The following CELF4 variants were observed in gnomAD, a reference collection of about 807,000 sequenced individuals.
CELF4 encodes the protein CUG-BP- and ETR-3-like factor 4.
Under a neutral mutation model 59.9 loss-of-function variants are expected in CELF4, and 18 were observed. That is an observed-to-expected ratio of 0.30 (90% CI 0.21 to 0.45). The LOEUF (loss-of-function observed/expected upper bound fraction) is 0.45, where lower values mean the gene tolerates loss of function less well. Among genes scored for constraint, CELF4 ranks in the 20% least tolerant of loss-of-function variants. The pLI, the probability that CELF4 is intolerant of heterozygous loss-of-function variation, is 1.00. For synonymous variants in CELF4, 261 were observed against 267.1 expected, an observed-to-expected ratio of 0.98 and a Z score of 0.22; for missense variants, 456 against 689.0, an observed-to-expected ratio of 0.66 and a Z score of 3.79.
chr18:37,274,602 AC>A, intron 5 of CELF4, 148 bp from the exon 6 acceptor site: 1 of 1,539,916 alleles, frequency 6.5e-7, no homozygotes, highest in Non-Finnish European at 8.7e-7. Context: ...TGAGGTGTGA[AC>A]CCCACCGCGG....
At chr18:37,477,808 C>T (rs1000679216) in intron 2 of CELF4, among the ~76,000 whole-genome samples, 14 of 152,360 alleles carry the variant, frequency 9.2e-5, no homozygotes, top group South Asian at 6.2e-4. Context: ...CACAACCAAA[C>T]TTCGCAGGGG....
intron 2 of CELF4, among the ~76,000 whole-genome samples, chr18:37,326,101 G>A (rs2097300701): frequency 6.6e-6 from 1 of 152,178 alleles, no homozygotes; most frequent in Non-Finnish European, 1.5e-5. Flanking sequence ...GAGCACATCT[G>A]TCCTGGGAGA....
intron 2 of CELF4, among the ~76,000 whole-genome samples, chr18:37,381,853 G>C (rs72885376): frequency 0.023 from 3,459 of 152,250 alleles, 63 homozygotes; most frequent in Non-Finnish European, 0.033. Context: ...GTCTCACCCT[G>C]AGTGCTTTAC....
In CELF4 at chr18:37,302,908, T is replaced by C. The variant is rs554458513; in HGVS notation, c.448+18895A>G. Among the ~76,000 whole-genome samples the C allele has an allele frequency of 3.3e-5, 5 of 151,904 alleles. No individual in the cohort carries two copies. In the South Asian group the frequency reaches 8.3e-4, roughly 25 times the overall value. ...GGAGCAGCCAGGAGCACAGGCTGTC[T>C]GAGGGACAGGGTGCACAGCTAGGCC... On this transcript the variant is annotated intron_variant, in intron 3 of 12. Coordinates refer to ENST00000420428, the MANE Select transcript of CELF4 (RefSeq NM_020180.4).
At chr18:37,419,548 A>G (rs1348438829) in intron 2 of CELF4, among the ~76,000 whole-genome samples, 1 of 152,048 alleles carries the variant, frequency 6.6e-6, no homozygotes, top group South Asian at 2.1e-4. Context: ...TGGAAGATGG[A>G]TGGGGAGAGG....
Position 37,453,222 on chromosome 18 carries a change from C to T in CELF4, c.369+32303G>A, listed in dbSNP as rs531889103. On this transcript the variant is annotated intron_variant, in intron 2 of 12. Transcript: ENST00000420428. Reference sequence around the variant, plus strand: ...ACCTCTTCCTGGCCTGCAAAGGCACCGCCCTCTTTTTACAAAACTGACCAC... The same window carrying T: ...ACCTCTTCCTGGCCTGCAAAGGCACTGCCCTCTTTTTACAAAACTGACCAC... Among the ~76,000 whole-genome samples the T allele has an allele frequency of 6.6e-5, 10 of 152,346 alleles. No individual in the cohort carries two copies. In the East Asian group the frequency reaches 1.5e-3, roughly 23 times the overall value.
chr18:37,406,373 TA>T (rs2099389380), intron 2 of CELF4, among the ~76,000 whole-genome samples: 1 of 152,064 alleles, frequency 6.6e-6, no homozygotes, highest in Non-Finnish European at 1.5e-5. Context: ...GATAGCTCAC[TA>T]AAAACATGCC....
chr18:37,430,627 A>G (rs573839616), intron 2 of CELF4, among the ~76,000 whole-genome samples: 14 of 152,348 alleles, frequency 9.2e-5, no homozygotes, highest in African/African-American at 3.4e-4. Context: ...TGCAAATGAC[A>G]GGCTGCAGAA....
At chr18:37,435,849 C>T (rs1272749425) in intron 2 of CELF4, among the ~76,000 whole-genome samples, 1 of 152,180 alleles carries the variant, frequency 6.6e-6, no homozygotes, top group African/African-American at 2.4e-5. Flanking sequence ...CAGAGCCTGG[C>T]AAGACCCCAG....
intron 3 of CELF4, among the ~76,000 whole-genome samples, chr18:37,303,130 A>T (rs927083421): frequency 2.0e-5 from 3 of 152,150 alleles, no homozygotes; most frequent in African/African-American, 7.2e-5. Context: ...CCTTTGGCTC[A>T]TTTGAACCCC....
At chr18:37,450,254 G>A (rs1352718787) in intron 2 of CELF4, among the ~76,000 whole-genome samples, 1 of 152,086 alleles carries the variant, frequency 6.6e-6, no homozygotes, top group African/African-American at 2.4e-5. Context: ...GCGTGTGAGT[G>A]TTGGGAGGAA....
At chr18:37,275,725 C>T (rs868703392) in intron 3 of CELF4, 1 of 168,462 alleles carries the variant, frequency 5.9e-6, no homozygotes, top group African/African-American at 2.4e-5. Context: ...GCACTTATCA[C>T]AAGGTCCAGT....
intron 1 of CELF4, among the ~76,000 whole-genome samples, chr18:37,515,100 T>C (rs2099949152): frequency 6.6e-6 from 1 of 152,202 alleles, no homozygotes; most frequent in South Asian, 2.1e-4. Flanking sequence ...GCTATTATTA[T>C]TTGATAACTC....
intron 1 of CELF4, among the ~76,000 whole-genome samples, chr18:37,507,779 A>C (rs961497011): frequency 6.6e-6 from 1 of 152,192 alleles, no homozygotes; most frequent in Admixed American, 6.5e-5. Context: ...TCAGACACAC[A>C]GCCACCTGCT....
At chr18:37,335,074 C>T (rs1245812550) in intron 2 of CELF4, among the ~76,000 whole-genome samples, 1 of 149,896 alleles carries the variant, frequency 6.7e-6, no homozygotes, top group Admixed American at 6.6e-5. Flanking sequence ...TGAGCCTGCA[C>T]CGCCAGCTCG....
chr18:37,474,630 G>T (rs2099843569), intron 2 of CELF4, among the ~76,000 whole-genome samples: 1 of 152,260 alleles, frequency 6.6e-6, no homozygotes, highest in Non-Finnish European at 1.5e-5. Context: ...GCCTGGTTAA[G>T]ACCTGGGTGA....
intron 4 of CELF4, 21 bp from the exon 5 acceptor site, chr18:37,274,905 G>A (rs368061939): frequency 2.5e-6 from 4 of 1,601,790 alleles, no homozygotes; most frequent in South Asian, 2.2e-5. Flanking sequence ...GCGAGAGGCC[G>A]AGCTGGGACC....
intron 7 of CELF4, 87 bp downstream of exon 7, chr18:37,272,929 G>T: frequency 7.5e-7 from 1 of 1,340,504 alleles, no homozygotes; most frequent in Non-Finnish European, 1.0e-6. Context: ...CCACAGAATG[G>T]TCCGCTGGTA....
intron 2 of CELF4, among the ~76,000 whole-genome samples, chr18:37,422,880 G>C (rs570701244): frequency 1.3e-5 from 2 of 152,276 alleles, no homozygotes; most frequent in South Asian, 2.1e-4. Context: ...ACCCATGAAT[G>C]CTTCTCGCTT....
Sources: gnomAD v4.1 joint callset for allele counts (sites outside exome capture counted in the v4.1 genomes callset) on GRCh38, gnomAD v4.1.1 for gene constraint, MANE v1.5 for transcripts, NCBI Gene and HGNC (gene_info 2026-07-23, HGNC 2026-07-21) for gene names.